POLR1E: variants seen among roughly 807,000 people sequenced by gnomAD.
POLR1E encodes the protein DNA-directed RNA polymerase I subunit RPA49.
Under a neutral mutation model 50.9 loss-of-function variants are expected in POLR1E, and 37 were observed. The ratio of observed to expected loss-of-function variants is 0.73; its 90% CI spans 0.56 to 0.96. The LOEUF (loss-of-function observed/expected upper bound fraction) is 0.96. POLR1E is among the 40% of genes least tolerant of loss of function. The pLI, the probability that POLR1E is intolerant of heterozygous loss-of-function variation, is 0.00. For synonymous variants in POLR1E, 166 were observed against 191.6 expected (o/e 0.87, Z 1.10); for missense variants, 426 against 518.1 (o/e 0.82, Z 1.73).
chr9:37,499,833 T>G (rs1359156329), intron 9 of POLR1E, among the ~76,000 whole-genome samples: 1 of 150,746 alleles, frequency 6.6e-6, no homozygotes, highest in Non-Finnish European at 1.5e-5. Flanking sequence ...GCACCCAGCT[T>G]GTATTTGCTT....
At chr9:37,500,977 G>T in intron 10 of POLR1E, 56 bp downstream of exon 10, 1 of 1,471,570 alleles carries the variant, frequency 6.8e-7, no homozygotes, top group South Asian at 1.1e-5. Context: ...GTGGGGGTTG[G>T]GAGTGAGGAG....
At chr9:37,500,547 C>T (rs1820867211) in intron 9 of POLR1E, among the ~76,000 whole-genome samples, 1 of 152,180 alleles carries the variant, frequency 6.6e-6, no homozygotes, top group South Asian at 2.1e-4. Context: ...GCTTTCAGCA[C>T]AATTTTTGTT....
intron 11 of POLR1E, among the ~76,000 whole-genome samples, chr9:37,502,209 A>G (rs955433615): frequency 1.3e-5 from 2 of 152,200 alleles, no homozygotes; most frequent in Non-Finnish European, 2.9e-5. Context: ...GGCAGCCTCC[A>G]TTCTCTGAAT....
chr9:37,498,104 G>C lies in POLR1E; in HGVS notation c.766G>C (p.Val256Leu). Reference sequence around the variant, plus strand: ...TCCTTGTTTTAGCCATTGCACCTTTGTCATAGAAGCGTTGAAGTCTTTGCC... The same window carrying C: ...TCCTTGTTTTAGCCATTGCACCTTTCTCATAGAAGCGTTGAAGTCTTTGCC... Reference protein sequence around the residue: ...MIEENSHCTFVIEALKSLPSD... With the variant: ...MIEENSHCTFLIEALKSLPSD... The change falls in exon 9 of 12, where the codon GTC becomes CTC. Residue 256 changes from valine (V) to leucine (L), a missense_variant. Val to Leu is a conservative substitution (Grantham distance 32). Coordinates refer to ENST00000377798, the MANE Select transcript of POLR1E (RefSeq NM_022490.4). 2 of 1,613,930 alleles carry C rather than the reference G, an allele frequency of 1.2e-6. No homozygotes were observed. The highest frequency in any genetic ancestry group is 2.2e-5 in the East Asian group (1 of 44,874).
chr9:37,488,332 C>T (rs552552579), intron 3 of POLR1E, among the ~76,000 whole-genome samples: 1 of 152,184 alleles, frequency 6.6e-6, no homozygotes, highest in East Asian at 1.9e-4. Flanking sequence ...CTGGGATTCC[C>T]ATCCAGCTGT....
chr9:37,492,722 G>A lies in POLR1E; in HGVS notation c.402+7G>A. On this transcript the variant is annotated splice_region_variant and intron_variant, in intron 5 of 11. Coordinates refer to ENST00000377798, the MANE Select transcript of POLR1E (RefSeq NM_022490.4). ...CAAAACTTACAGAGAAAAGGTGAGT[G>A]TGATAGAATTAAGATGTGGGACCTT... is the stretch of plus-strand genomic sequence containing the variant. 1.2e-6 allele frequency: 2 copies of A among 1,613,322 alleles called. No individual in the cohort carries two copies. The highest frequency in any genetic ancestry group is 1.7e-6 in the Non-Finnish European group (2 of 1,179,384).
rs889944878 is a variant in POLR1E, at chr9:37,495,426, G to T, written c.655+150G>T. Reference sequence around the variant, plus strand: ...TGCAGTTGCTCAGTGCTCTTGCCAGGAGGTTAACTTGGCTTCCTCACTAGC... The same window carrying T: ...TGCAGTTGCTCAGTGCTCTTGCCAGTAGGTTAACTTGGCTTCCTCACTAGC... On this transcript the variant is annotated intron_variant, in intron 7 of 11. Transcript: ENST00000377798. 5.8e-6 allele frequency: 4 copies of T among 692,306 alleles called. No individual in the cohort carries two copies. The East Asian group carries it at 1.1e-4, about 18-fold the overall frequency. The allele number at this position is 692,306 out of a possible 1,614,324, so 42.9% of individuals were successfully genotyped here. A position where few individuals can be genotyped will look rare whatever the true frequency, so the allele number is the denominator to read the frequency against.
rs1820720185 is a variant in POLR1E at position 37,493,453 on chromosome 9, G to A, written c.403-106G>A. The A allele has an allele frequency of 8.0e-6, 8 of 995,056 alleles. No individual in the cohort carries two copies. In the South Asian group the frequency reaches 1.2e-4, roughly 15 times the overall value. The allele number at this position is 995,056 out of a possible 1,614,324, so 61.6% of individuals were successfully genotyped here. A position where few individuals can be genotyped will look rare whatever the true frequency, so the allele number is the denominator to read the frequency against. ...GCGATTCAGCCTTATTCACAGGTGA[G>A]GTAGTGATCACTCTGGGATGCTGAG... On this transcript the variant is annotated intron_variant, in intron 5 of 11. Coordinates refer to ENST00000377798, the MANE Select transcript of POLR1E (RefSeq NM_022490.4).
intron 9 of POLR1E, 94 bp downstream of exon 9, chr9:37,498,318 A>C: frequency 7.4e-7 from 1 of 1,344,026 alleles, no homozygotes; most frequent in East Asian, 2.4e-5. Context: ...GAAAATGGAT[A>C]TGTCTGTCCA....
At position 37,485,990 on chromosome 9, in the gene POLR1E, A is replaced by G; in HGVS notation, c.-58A>G. ...GCGGCCTGGGCTCCCGCGTGTTTAA[A>G]AGTGCGCTTGTGGCTGCTGCTGTCT... On this transcript the variant is annotated 5_prime_UTR_variant, in exon 1 of 12. Transcript: ENST00000377798. 6.4e-7 allele frequency: 1 copy of G among 1,567,880 alleles called. No homozygotes were observed. The highest frequency in any genetic ancestry group is 8.6e-7 in the Non-Finnish European group (1 of 1,156,160).
intron 9 of POLR1E, 123 bp downstream of exon 9, chr9:37,498,347 T>A: frequency 7.5e-6 from 8 of 1,071,730 alleles, no homozygotes; most frequent in East Asian, 2.6e-5. Context: ...CTGTCAACTG[T>A]GAGATTCATT....
chr9:37,490,521 A>G, intron 4 of POLR1E: 2 of 771,712 alleles, frequency 2.6e-6, no homozygotes, highest in South Asian at 2.7e-5. Flanking sequence ...CTGGCGCTTC[A>G]GTTGAACCCA....
At chr9:37,496,173 G>A (rs1260799945) in intron 8 of POLR1E, among the ~76,000 whole-genome samples, 187 bp downstream of exon 8, 2 of 152,132 alleles carry the variant, frequency 1.3e-5, no homozygotes, top group Non-Finnish European at 2.9e-5. Context: ...CGAGGGAGAG[G>A]GCTGGTCTCT....
At position 37,503,332 on chromosome 9, in the gene POLR1E, C is replaced by A; in HGVS notation, c.*130C>A. ...GTGGCTCACACCTGAAATCCCAGCACTTTGGGAGGCCGAGGCAGGAAGATC... is the reference window on the plus strand; with the variant it reads ...GTGGCTCACACCTGAAATCCCAGCAATTTGGGAGGCCGAGGCAGGAAGATC... On this transcript the variant is annotated 3_prime_UTR_variant, in exon 12 of 12. Coordinates refer to ENST00000377798, the MANE Select transcript of POLR1E (RefSeq NM_022490.4). The A allele has an allele frequency of 8.7e-7, 1 of 1,153,144 alleles. No individual in the cohort carries two copies. The highest frequency in any genetic ancestry group is 1.2e-6 in the Non-Finnish European group (1 of 851,656). 71.4% of individuals were successfully genotyped at this position (1,153,144 alleles called of 1,614,324 possible).
chr9:37,490,841 G>T (rs762689886), intron 4 of POLR1E: 8 of 574,712 alleles, frequency 1.4e-5, no homozygotes, highest in Admixed American at 2.0e-5. Context: ...TTTTCTAAAA[G>T]GTCTAGAGAA....
At chr9:37,492,347 T>C in intron 4 of POLR1E, 1 of 1,295,500 alleles carries the variant, frequency 7.7e-7, no homozygotes, top group Non-Finnish European at 1.0e-6. Flanking sequence ...TAATCCTGTC[T>C]CTGCCACTAC....
intron 3 of POLR1E, among the ~76,000 whole-genome samples, chr9:37,489,094 C>T (rs147227630): frequency 5.9e-5 from 9 of 152,020 alleles, no homozygotes; most frequent in East Asian, 3.9e-4. Context: ...AAAAATTAGC[C>T]GGGGATGGTG....
rs535641892 is a variant in POLR1E at position 37,492,770 on chromosome 9, G to A, written c.402+55G>A. 6.3e-5 allele frequency: 95 copies of A among 1,509,216 alleles called. 4 individuals are homozygous for A. The South Asian group carries it at 9.7e-4, about 15-fold the overall frequency. 93.5% of individuals were successfully genotyped at this position (1,509,216 alleles called of 1,614,324 possible). ...CTTAAGCAAGTTCCTTCTACACCTC[G>A]GGTTTCTCCATCAGTGAAATGAGCT... On this transcript the variant is annotated intron_variant, in intron 5 of 11. Transcript: ENST00000377798.
intron 4 of POLR1E, among the ~76,000 whole-genome samples, chr9:37,491,068 A>T (rs1259637290): frequency 3.3e-5 from 5 of 152,214 alleles, no homozygotes; most frequent in Admixed American, 2.6e-4. Context: ...TTTGAGGAAG[A>T]TCTATTTTTT....
Sources: gnomAD v4.1 joint callset for allele counts (sites outside exome capture counted in the v4.1 genomes callset) on GRCh38, gnomAD v4.1.1 for gene constraint, MANE v1.5 for transcripts, NCBI Gene and HGNC (gene_info 2026-07-23, HGNC 2026-07-21) for gene names.